The following SNCAIP variants were observed in gnomAD, a reference collection of about 807,000 sequenced individuals.
The protein encoded by SNCAIP is synuclein alpha interacting protein.
Under a neutral mutation model 86.7 loss-of-function variants are expected in SNCAIP, and 43 were observed. That is an observed-to-expected ratio of 0.50 (90% CI 0.39 to 0.64). The LOEUF (loss-of-function observed/expected upper bound fraction) is 0.64. SNCAIP is among the 30% of genes least tolerant of loss of function. The probability of loss-of-function intolerance (pLI) is 0.00; values close to 1 mark genes in which losing one functional copy is unlikely to be tolerated. For missense variants in SNCAIP, 981 were observed against 1,103.1 expected, an observed-to-expected ratio of 0.89 and a Z score of 1.57; for synonymous variants, 417 against 427.2, an observed-to-expected ratio of 0.98 and a Z score of 0.29.
intron 1 of SNCAIP, among the ~76,000 whole-genome samples, chr5:122,338,553 C>T (rs1041535733): frequency 1.3e-5 from 2 of 152,096 alleles, no homozygotes; most frequent in Admixed American, 6.6e-5. Flanking sequence ...TATACCATTT[C>T]GTATGCACAC....
chr5:122,430,859 G>A (rs527252490), intron 5 of SNCAIP, among the ~76,000 whole-genome samples: 2 of 152,038 alleles, frequency 1.3e-5, no homozygotes, highest in Admixed American at 6.5e-5. Context: ...CCTTAAAAAT[G>A]TAAAAGTTGA....
chr5:122,319,062 G>A (rs1310238862), intron 1 of SNCAIP, among the ~76,000 whole-genome samples: 1 of 149,770 alleles, frequency 6.7e-6, no homozygotes, highest in East Asian at 2.0e-4. Context: ...CCTGGCGACT[G>A]CCAAGTGGCC....
At chr5:122,398,163 G>C (rs938969782) in intron 2 of SNCAIP, among the ~76,000 whole-genome samples, 1 of 152,188 alleles carries the variant, frequency 6.6e-6, no homozygotes, top group African/African-American at 2.4e-5. Flanking sequence ...CTCAGTCAAG[G>C]AGGCAGTGTC....
At position 122,451,160 on chromosome 5, in the gene SNCAIP, A is replaced by C; in HGVS notation, c.2313A>C (p.Pro771=). Residue 771 remains proline, a synonymous_variant, in exon 10 of 11, where the codon CCA becomes CCC. Transcript: ENST00000261368. The part of the protein sequence containing the change: ...SQYPGSGSIP[P]NQPSGDPQQP... The stretch of plus-strand genomic sequence containing the variant: ...ATCCAGGCTCAGGGAGTATTCCTCC[A>C]AACCAGCCCTCTGGTGACCCTCAGC... The C allele has an allele frequency of 6.2e-7, 1 of 1,614,146 alleles. No homozygotes were observed. The highest frequency in any genetic ancestry group is 8.5e-7 in the Non-Finnish European group (1 of 1,180,008).
intron 1 of SNCAIP, among the ~76,000 whole-genome samples, chr5:122,358,203 G>GTGTGTATA (rs1221236719): frequency 7.7e-4 from 100 of 130,380 alleles, no homozygotes; most frequent in East Asian, 4.2e-3. Flanking sequence ...GTGTGTGTGT[G>GTGTGTATA]TATATATATA....
chr5:122,453,642 T>C (rs1260596515), intron 10 of SNCAIP, among the ~76,000 whole-genome samples: 1 of 152,210 alleles, frequency 6.6e-6, no homozygotes, highest in Non-Finnish European at 1.5e-5. Context: ...GGCCACCTCC[T>C]TGGGCAAAGT....
At chr5:122,395,683 G>C (rs991161559) in intron 2 of SNCAIP, among the ~76,000 whole-genome samples, 1 of 152,014 alleles carries the variant, frequency 6.6e-6, no homozygotes, top group African/African-American at 2.4e-5. Context: ...TCTGTTTTGT[G>C]TGCATCACCT....
At chr5:122,444,928 G>A (rs1310492556) in intron 8 of SNCAIP, 196 bp downstream of exon 8, 1 of 636,498 alleles carries the variant, frequency 1.6e-6, no homozygotes, top group East Asian at 2.8e-5. Flanking sequence ...AGAGGCAAAA[G>A]GATGTCTAAA....
At chr5:122,326,066 A>C (rs1325042290) in intron 1 of SNCAIP, among the ~76,000 whole-genome samples, 1 of 152,196 alleles carries the variant, frequency 6.6e-6, no homozygotes, top group African/African-American at 2.4e-5. Flanking sequence ...ACTGAATAAT[A>C]ATTGGGGTGA....
At chr5:122,422,765 C>A in intron 3 of SNCAIP, 103 bp from the exon 4 acceptor site, 1 of 941,590 alleles carries the variant, frequency 1.1e-6, no homozygotes, top group East Asian at 2.6e-5. Flanking sequence ...ACACACAGAA[C>A]CTTAATTTGA....
At chr5:122,446,164 C>T (rs1260834825) in intron 8 of SNCAIP, among the ~76,000 whole-genome samples, 3 of 151,920 alleles carry the variant, frequency 2.0e-5, no homozygotes, top group African/African-American at 7.3e-5. Flanking sequence ...TGTGCAAATG[C>T]CTTTATGAAC....
In SNCAIP at chr5:122,313,865, G is replaced by A. The variant is rs760128536; in HGVS notation, c.-47+1581G>A. Among the ~76,000 whole-genome samples, 11 of 152,320 alleles carry A rather than the reference G, an allele frequency of 7.2e-5. No individual in the cohort carries two copies. The South Asian group carries it at 8.3e-4, about 11-fold the overall frequency. ...ACAGGTCTGGAATCAGAAAGTAAAA[G>A]ATAGTGCTTCTCTTAAGGATCTTTT... is the stretch of plus-strand genomic sequence containing the variant. On this transcript the variant is annotated intron_variant, in intron 1 of 10. Transcript: ENST00000261368.
In SNCAIP at chr5:122,378,297, T is replaced by C. The variant is rs529889199; in HGVS notation, c.-46-12792T>C. Among the ~76,000 whole-genome samples, 7 of 142,244 alleles carry C rather than the reference T, an allele frequency of 4.9e-5. 2 individuals carry two copies. The South Asian group carries it at 1.3e-3, about 26-fold the overall frequency. The allele number at this position is 142,244 out of a possible 152,430, so 93.3% of individuals were successfully genotyped here. A position where few individuals can be genotyped will look rare whatever the true frequency, so the allele number is the denominator to read the frequency against. On this transcript the variant is annotated intron_variant, in intron 1 of 10. Coordinates refer to ENST00000261368, the MANE Select transcript of SNCAIP (RefSeq NM_005460.4). ...GCATTTCTCTGATGGCCAGTGATGATGAGCATTTTTTCATGTGTTTTTTGG... is the reference window on the plus strand; with the variant it reads ...GCATTTCTCTGATGGCCAGTGATGACGAGCATTTTTTCATGTGTTTTTTGG...
Position 122,354,067 on chromosome 5 carries a change from G to C in SNCAIP, c.-46-37022G>C, listed in dbSNP as rs113797283. ...CATCTCAGACATGGAGCAGATGCCA[G>C]AATATAGTTGGAAACCAGACTGACC... On this transcript the variant is annotated intron_variant, in intron 1 of 10. Transcript: ENST00000261368. Among the ~76,000 whole-genome samples, 898 of 152,268 alleles carry C rather than the reference G, an allele frequency of 5.9e-3. 3 individuals are homozygous for C. The highest frequency in any genetic ancestry group is 0.02 in the African/African-American group (815 of 41,544).
At chr5:122,383,577 TA>T in intron 1 of SNCAIP, 1 of 152,964 alleles carries the variant, frequency 6.5e-6, no homozygotes, top group Non-Finnish European at 1.5e-5. Context: ...AGATCAGATT[TA>T]AAGGTACATA....
intron 1 of SNCAIP, among the ~76,000 whole-genome samples, chr5:122,387,432 G>A (rs2152832714): frequency 6.6e-6 from 1 of 152,318 alleles, no homozygotes; most frequent in South Asian, 2.1e-4. Flanking sequence ...GATTACAGGT[G>A]TGAGTCACCA....
chr5:122,457,367 G>A (rs1304638106), intron 10 of SNCAIP, among the ~76,000 whole-genome samples: 1 of 152,132 alleles, frequency 6.6e-6, no homozygotes, highest in East Asian at 1.9e-4. Context: ...TAACCTGCTG[G>A]CATCAGGCTG....
chr5:122,364,493 C>T (rs919074263), intron 1 of SNCAIP, among the ~76,000 whole-genome samples: 1 of 152,202 alleles, frequency 6.6e-6, no homozygotes, highest in African/African-American at 2.4e-5. Context: ...TATTGTTCAG[C>T]TATTTGACAT....
chr5:122,416,326 T>C (rs1775304286), intron 3 of SNCAIP, among the ~76,000 whole-genome samples: 1 of 152,176 alleles, frequency 6.6e-6, no homozygotes, highest in African/African-American at 2.4e-5. Context: ...TTCCCCACAG[T>C]GTTTTAATGC....
Sources: gnomAD v4.1 joint callset for allele counts (sites outside exome capture counted in the v4.1 genomes callset) on GRCh38, gnomAD v4.1.1 for gene constraint, MANE v1.5 for transcripts, NCBI Gene and HGNC (gene_info 2026-07-23, HGNC 2026-07-21) for gene names.